ROBO2: variants seen among roughly 807,000 people sequenced by gnomAD.
ROBO2 encodes the protein roundabout homolog 2.
ROBO2 carries 53 observed loss-of-function variants against 160.8 expected under a neutral mutation model. The observed-to-expected ratio is 0.33, with a 90% CI of 0.26 to 0.41. ROBO2 has a LOEUF of 0.41. Ranked by LOEUF, ROBO2 falls within the 10% of genes least tolerant of loss-of-function variation. ROBO2 has a pLI of 1.00. For missense variants in ROBO2, 1,577 were observed against 1,722.4 expected, an observed-to-expected ratio of 0.92 and a Z score of 1.49; for synonymous variants, 664 against 611.7, an observed-to-expected ratio of 1.09 and a Z score of -1.26.
chr3:76,734,046 C>T (rs1319834870), intron 2 of ROBO2, among the ~76,000 whole-genome samples: 1 of 152,058 alleles, frequency 6.6e-6, no homozygotes, highest in African/African-American at 2.4e-5. Context: ...GGAACTAATC[C>T]CATTCATGAG....
intron 2 of ROBO2, among the ~76,000 whole-genome samples, chr3:77,002,615 T>G (rs531337570): frequency 6.6e-6 from 1 of 152,192 alleles, no homozygotes; most frequent in East Asian, 1.9e-4. Flanking sequence ...TACACAAATA[T>G]AATAATTCAT....
chr3:76,004,569 G>A (rs2065971064), intron 2 of ROBO2, among the ~76,000 whole-genome samples: 2 of 152,232 alleles, frequency 1.3e-5, no homozygotes, highest in South Asian at 4.2e-4. Flanking sequence ...TGATTCAGAG[G>A]TGGCTGTCAT....
intron 2 of ROBO2, among the ~76,000 whole-genome samples, chr3:76,975,315 G>T (rs2059761228): frequency 6.6e-6 from 1 of 152,066 alleles, no homozygotes; most frequent in Non-Finnish European, 1.5e-5. Flanking sequence ...GACCAGCCTG[G>T]CCAACATGGC....
chr3:76,162,032 A>G (rs1381500887), intron 2 of ROBO2, among the ~76,000 whole-genome samples: 1 of 152,182 alleles, frequency 6.6e-6, no homozygotes, highest in Non-Finnish European at 1.5e-5. Flanking sequence ...TAGTTCTGAT[A>G]GCCTTGAGCT....
intron 1 of ROBO2, among the ~76,000 whole-genome samples, chr3:77,091,265 G>A (rs1318400005): frequency 2.0e-5 from 3 of 152,100 alleles, no homozygotes; most frequent in South Asian, 4.2e-4. Flanking sequence ...ATTATACTAC[G>A]TGATTGAAAT....
At chr3:77,433,664 T>C (rs1236137988) in intron 2 of ROBO2, among the ~76,000 whole-genome samples, 2 of 151,722 alleles carry the variant, frequency 1.3e-5, no homozygotes, top group Non-Finnish European at 2.9e-5. Context: ...AACTCTCAAA[T>C]GTATAACTCT....
intron 2 of ROBO2, among the ~76,000 whole-genome samples, chr3:76,019,404 G>A (rs2066503172): frequency 6.7e-6 from 1 of 148,222 alleles, no homozygotes; most frequent in Non-Finnish European, 1.5e-5. Flanking sequence ...GTACTCCTTG[G>A]AATTGTCTAA....
chr3:76,245,365 G>T (rs1200495708), intron 2 of ROBO2, among the ~76,000 whole-genome samples: 1 of 152,118 alleles, frequency 6.6e-6, no homozygotes, highest in Non-Finnish European at 1.5e-5. Flanking sequence ...AATTCCATTT[G>T]TATTCATTGA....
Position 76,276,771 on chromosome 3 carries a change from A to G in ROBO2, c.109+339169A>G, listed in dbSNP as rs552526214. Among the ~76,000 whole-genome samples, 12 of 152,128 alleles carry G rather than the reference A, an allele frequency of 7.9e-5. No homozygotes were observed. The East Asian group carries it at 1.3e-3, about 17-fold the overall frequency. On this transcript the variant is annotated intron_variant, in intron 2 of 26. Coordinates refer to the ROBO2 transcript ENST00000487694. ...ATTGAACAACAAGAAGTCTATAATA[A>G]TGGGGTGATGATGTCCTTGTATCTG...
intron 2 of ROBO2, among the ~76,000 whole-genome samples, chr3:76,849,265 G>C (rs550322253): frequency 1.3e-5 from 2 of 152,106 alleles, no homozygotes; most frequent in South Asian, 2.1e-4. Context: ...ATACACTTAG[G>C]GGGTATTCAG....
chr3:77,478,849 C>A (rs1411979184), intron 3 of ROBO2, among the ~76,000 whole-genome samples: 3 of 152,058 alleles, frequency 2.0e-5, no homozygotes, highest in African/African-American at 4.8e-5. Context: ...TATATTCATG[C>A]GTTTCTGGTA....
At chr3:77,570,366 A>G (rs1011021111) in intron 13 of ROBO2, among the ~76,000 whole-genome samples, 5 of 151,972 alleles carry the variant, frequency 3.3e-5, no homozygotes, top group African/African-American at 1.2e-4. Context: ...CTGTACCCCA[A>G]GAAGCTATCA....
intron 2 of ROBO2, among the ~76,000 whole-genome samples, chr3:76,286,348 A>G (rs746290354): frequency 7.2e-5 from 11 of 152,240 alleles, no homozygotes; most frequent in African/African-American, 1.7e-4. Flanking sequence ...AATGAACTGC[A>G]TAGAGTTAGT....
intron 2 of ROBO2, among the ~76,000 whole-genome samples, chr3:76,359,763 T>C (rs1236924977): frequency 6.6e-6 from 1 of 152,108 alleles, no homozygotes; most frequent in Non-Finnish European, 1.5e-5. Context: ...ATTTCTTTGG[T>C]AGCTATCTCT....
intron 2 of ROBO2, among the ~76,000 whole-genome samples, chr3:76,924,144 C>T (rs145219635): frequency 6.6e-5 from 10 of 152,208 alleles, no homozygotes; most frequent in African/African-American, 1.7e-4. Flanking sequence ...CTACAATAGA[C>T]CTATATCTAT....
chr3:76,098,748 T>C (rs2069561636), intron 2 of ROBO2, among the ~76,000 whole-genome samples: 2 of 152,154 alleles, frequency 1.3e-5, no homozygotes, highest in Non-Finnish European at 2.9e-5. Context: ...TAACTACAAA[T>C]GGCTGCCTTA....
intron 2 of ROBO2, among the ~76,000 whole-genome samples, chr3:76,893,616 A>G (rs2074530855): frequency 6.6e-6 from 1 of 152,102 alleles, no homozygotes; most frequent in African/African-American, 2.4e-5. Flanking sequence ...TGATCAAGTC[A>G]GGGTGTTTAA....
chr3:77,077,418 C>A (rs79269202), intron 1 of ROBO2, among the ~76,000 whole-genome samples: 16,010 of 152,182 alleles, frequency 0.11, 2,711 homozygotes, highest in African/African-American at 0.36. Context: ...CCAGAAGAAA[C>A]AAGATCTTTA....
At chr3:76,281,543 A>G (rs1335804728) in intron 2 of ROBO2, among the ~76,000 whole-genome samples, 3 of 151,956 alleles carry the variant, frequency 2.0e-5, no homozygotes, top group Non-Finnish European at 1.5e-5. Flanking sequence ...CTACCACTAT[A>G]GCCAGGGTAA....
Sources: gnomAD v4.1 joint callset for allele counts (sites outside exome capture counted in the v4.1 genomes callset) on GRCh38, gnomAD v4.1.1 for gene constraint, MANE v1.5 for transcripts, NCBI Gene and HGNC (gene_info 2026-07-23, HGNC 2026-07-21) for gene names.